ALX4: variants seen among roughly 807,000 people sequenced by gnomAD.
ALX4 encodes homeobox protein aristaless-like 4.
A neutral mutation model predicts 40.6 loss-of-function variants in ALX4; 22 were observed. That is an observed-to-expected ratio of 0.54 (90% CI 0.39 to 0.77). ALX4 has a LOEUF of 0.77. Ranked by LOEUF, ALX4 falls within the 30% of genes least tolerant of loss-of-function variation. The pLI is 0.00. For synonymous variants in ALX4, 266 were observed against 240.5 expected, an observed-to-expected ratio of 1.11 and a Z score of -0.98; for missense variants, 556 against 564.8, an observed-to-expected ratio of 0.98 and a Z score of 0.16.
intron 2 of ALX4, 62 bp downstream of exon 2, chr11:44,275,284 GCA>G: frequency 6.4e-7 from 1 of 1,572,076 alleles, no homozygotes; most frequent in Non-Finnish European, 8.7e-7. Flanking sequence ...GACCCCAACT[GCA>G]GCCAAGAGCC....
intron 1 of ALX4, among the ~76,000 whole-genome samples, chr11:44,282,791 TAGGCAAC>T (rs1162696021): frequency 6.6e-6 from 1 of 152,172 alleles, no homozygotes; most frequent in Non-Finnish European, 1.5e-5. Flanking sequence ...ACGGGGACTC[TAGGCAAC>T]AGATCACTGG....
intron 2 of ALX4, among the ~76,000 whole-genome samples, chr11:44,273,610 G>A (rs1330223617): frequency 2.6e-5 from 4 of 152,142 alleles, no homozygotes; most frequent in Admixed American, 2.6e-4. Context: ...TTAGTAGGAG[G>A]GGACAAACAA....
intron 1 of ALX4, among the ~76,000 whole-genome samples, chr11:44,284,988 G>A (rs1040248707): frequency 2.6e-5 from 4 of 151,932 alleles, no homozygotes; most frequent in African/African-American, 9.7e-5. Flanking sequence ...TTTTGAGATG[G>A]AGTCTCGCTG....
At chr11:44,267,753 C>G in intron 2 of ALX4, 131 bp from the exon 3 acceptor site, 2 of 1,227,532 alleles carry the variant, frequency 1.6e-6, no homozygotes, top group East Asian at 2.3e-5. Context: ...TGCGGCCACA[C>G]ATAAATATCA....
At chr11:44,273,779 C>T (rs10838250) in intron 2 of ALX4, among the ~76,000 whole-genome samples, 82,058 of 151,788 alleles carry the variant, frequency 0.54, 22,540 homozygotes, top group Admixed American at 0.62. Context: ...AGCAAGACCC[C>T]ATCTCTACAA....
intron 1 of ALX4, among the ~76,000 whole-genome samples, chr11:44,289,051 G>C (rs747979806): frequency 7.9e-5 from 12 of 152,174 alleles, no homozygotes; most frequent in Non-Finnish European, 1.8e-4. Flanking sequence ...TAGTGGAAGA[G>C]ATGCATGAGG....
At position 44,262,784 on chromosome 11, in the gene ALX4, G is replaced by T. The variant is rs998182531; in HGVS notation, c.*2070C>A. On this transcript the variant is annotated 3_prime_UTR_variant, in exon 4 of 4. Transcript: ENST00000652299. Reference sequence around the variant, plus strand: ...AGCCATGAGCATTTCAGAAGGAAAGGGGGGAGAAATGGGGAAACTGTTCCC... The same window carrying T: ...AGCCATGAGCATTTCAGAAGGAAAGTGGGGAGAAATGGGGAAACTGTTCCC... 1.3e-5 allele frequency: 2 copies of T among 152,148 alleles called. No individual in the cohort carries two copies. The highest frequency in any genetic ancestry group is 2.4e-5 in the African/African-American group (1 of 41,430). The allele number at this position is 152,148 out of a possible 1,614,324, so 9.4% of individuals were successfully genotyped here.
At chr11:44,283,893 C>T (rs911231194) in intron 1 of ALX4, among the ~76,000 whole-genome samples, 3 of 152,098 alleles carry the variant, frequency 2.0e-5, no homozygotes, top group African/African-American at 7.2e-5. Context: ...CTGTTTTCCC[C>T]TTGTTTATTG....
intron 1 of ALX4, among the ~76,000 whole-genome samples, chr11:44,305,310 T>C (rs1252565638): frequency 1.3e-5 from 2 of 152,216 alleles, no homozygotes; most frequent in African/African-American, 4.8e-5. Flanking sequence ...AGGCCCTCTG[T>C]TTTTCTATTT....
chr11:44,277,158 G>T (rs1175361405), intron 1 of ALX4, among the ~76,000 whole-genome samples: 1 of 152,200 alleles, frequency 6.6e-6, no homozygotes, highest in Non-Finnish European at 1.5e-5. Context: ...GAAATAAAGA[G>T]GCTAGTGTGC....
At chr11:44,302,784 T>C (rs1473917040) in intron 1 of ALX4, among the ~76,000 whole-genome samples, 1 of 152,186 alleles carries the variant, frequency 6.6e-6, no homozygotes, top group African/African-American at 2.4e-5. Flanking sequence ...AGGACCTGTG[T>C]TAGCCTCCAG....
Position 44,309,715 on chromosome 11 carries a change from C to A in ALX4, c.348G>T (p.Pro116=), listed in dbSNP as rs769501075. 2 of 1,573,102 alleles carry A rather than the reference C, an allele frequency of 1.3e-6. No individual in the cohort carries two copies. Among genetic ancestry groups the A allele is most frequent in the South Asian group, 1.2e-5 (1 of 86,692 alleles). The change falls in exon 1 of 4, where the codon CCG becomes CCT. Residue 116 remains proline (P), a synonymous_variant. Transcript: ENST00000652299. ...GCAAGTAAAGATGCGGTTGCGCGGG[C>A]GGCTGGGGCTGCGGCTGCTGCTGCT... ...QPQQQQPQPQ[P]PAQPHLYLQR...
chr11:44,283,094 A>C (rs1956318587), intron 1 of ALX4, among the ~76,000 whole-genome samples: 1 of 152,082 alleles, frequency 6.6e-6, no homozygotes, highest in African/African-American at 2.4e-5. Context: ...TAAAAATACA[A>C]AAATTCGTCG....
chr11:44,265,613 GC>G (rs1252972284), intron 3 of ALX4, among the ~76,000 whole-genome samples: 1 of 152,160 alleles, frequency 6.6e-6, no homozygotes, highest in Non-Finnish European at 1.5e-5. Context: ...AACTCGGAGA[GC>G]TTTGGCCTCG....
At chr11:44,288,514 G>GA (rs1353642230) in intron 1 of ALX4, among the ~76,000 whole-genome samples, 12 of 152,168 alleles carry the variant, frequency 7.9e-5, no homozygotes, top group African/African-American at 2.9e-4. Context: ...AACAGGACCT[G>GA]GATGAGTTTA....
chr11:44,297,858 A>G (rs1956412316), intron 1 of ALX4, among the ~76,000 whole-genome samples: 1 of 152,136 alleles, frequency 6.6e-6, no homozygotes, highest in Non-Finnish European at 1.5e-5. Context: ...CCGAAGACTT[A>G]GTTTGTGCTG....
rs71035685 is a variant in ALX4 at position 44,309,180 on chromosome 11, T to TCGCAGCCCCGCAGCCCCGCAGCCC, written c.466+393_466+416dup. On this transcript the variant is annotated intron_variant, in intron 1 of 3. Transcript: ENST00000652299. ...CCCGCAGCCCCGCAGCCCCGCAGCC[T>TCGCAGCCCCGCAGCCCCGCAGCCC]CGCAGCCCCGCAGCCCCGCAGCCCC... is the stretch of plus-strand genomic sequence containing the variant. 2.7e-3 allele frequency among the ~76,000 whole-genome samples: 369 copies of TCGCAGCCCCGCAGCCCCGCAGCCC among 138,716 alleles called. 13 individuals are homozygous for TCGCAGCCCCGCAGCCCCGCAGCCC. The highest frequency in any genetic ancestry group is 9.2e-3 in the African/African-American group (349 of 38,068). 91.0% of individuals were successfully genotyped at this position (138,716 alleles called of 152,430 possible). A position where few individuals can be genotyped will look rare whatever the true frequency, so the allele number is the denominator to read the frequency against.
In ALX4 at chr11:44,264,918, G is replaced by A; in HGVS notation, c.1172C>T (p.Ser391Leu). 4 of 1,613,010 alleles carry A rather than the reference G, an allele frequency of 2.5e-6. No homozygotes were observed. Among genetic ancestry groups the A allele is most frequent in the Non-Finnish European group, 3.4e-6 (4 of 1,179,928 alleles). Reference sequence around the variant, plus strand: ...CTTCATGCGGAGGGCCGCGATGCTCGAGGTCTTGCGGTCCGGCTCGCCGTT... The same window carrying A: ...CTTCATGCGGAGGGCCGCGATGCTCAAGGTCTTGCGGTCCGGCTCGCCGTT... ...ELNGEPDRKT[S>L]SIAALRMKAK... Residue 391 changes from serine to leucine, a missense_variant, in exon 4 of 4, where the codon TCG (serine) becomes TTG (leucine). Coordinates refer to ENST00000652299, the MANE Select transcript of ALX4 (RefSeq NM_021926.4).
Position 44,262,367 on chromosome 11 carries a change from T to C in ALX4, c.*2487A>G, listed in dbSNP as rs1301921350. On this transcript the variant is annotated 3_prime_UTR_variant, in exon 4 of 4. Coordinates refer to ENST00000652299, the MANE Select transcript of ALX4 (RefSeq NM_021926.4). ...GGGTACGTGGCTGCCTTTGACGAGA[T>C]GAACAGGAATGTTTCACATTGGCAT... 2 of 152,292 alleles carry C rather than the reference T, an allele frequency of 1.3e-5. No individual in the cohort carries two copies. Among genetic ancestry groups the C allele is most frequent in the Non-Finnish European group, 2.9e-5 (2 of 68,096 alleles). The allele number at this position is 152,292 out of a possible 1,614,324, so 9.4% of individuals were successfully genotyped here.
Sources: allele counts gnomAD v4.1 joint callset (sites outside exome capture counted in the v4.1 genomes callset), GRCh38; gene constraint gnomAD v4.1.1; transcripts MANE v1.5; gene names NCBI Gene and HGNC (gene_info 2026-07-23, HGNC 2026-07-21).